Variants in JAKMIP1 observed in about 807,000 individuals in gnomAD.
The protein encoded by JAKMIP1 is janus kinase and microtubule-interacting protein 1.
In JAKMIP1, 33 loss-of-function variants were observed where a neutral mutation model predicts 113.0. That is an observed-to-expected ratio of 0.29 (90% CI 0.22 to 0.39). The LOEUF is 0.39. JAKMIP1 is among the 10% of genes least tolerant of loss of function. The pLI is 1.00. For missense variants in JAKMIP1, 813 were observed against 1,080.5 expected (o/e 0.75, Z 3.47); for synonymous variants, 480 against 459.9 (o/e 1.04, Z -0.56).
At chr4:6,170,639 C>A (rs946300055) in intron 1 of JAKMIP1, among the ~76,000 whole-genome samples, 1 of 123,756 alleles carries the variant, frequency 8.1e-6, no homozygotes, top group Non-Finnish European at 1.7e-5. Context: ...AACACCATCA[C>A]CTCTACCATT....
At chr4:6,060,197 A>G (rs59373651) in intron 11 of JAKMIP1, among the ~76,000 whole-genome samples, 33,936 of 152,254 alleles carry the variant, frequency 0.22, 5,532 homozygotes, top group African/African-American at 0.46. Context: ...ACAAAGAAAA[A>G]GCCAAGTTAG....
At chr4:6,029,495 G>A (rs1377822904) in intron 20 of JAKMIP1, among the ~76,000 whole-genome samples, 3 of 152,124 alleles carry the variant, frequency 2.0e-5, no homozygotes, top group Non-Finnish European at 1.5e-5. Context: ...AGTTGGCCCC[G>A]GCCTGAAGAA....
Position 6,142,652 on chromosome 4 carries a change from C to G in JAKMIP1, c.-147-29655G>C, listed in dbSNP as rs1720327880. 6.6e-6 allele frequency among the ~76,000 whole-genome samples: 1 copy of G among 152,184 alleles called. No individual in the cohort carries two copies. The highest frequency in any genetic ancestry group is 1.5e-5 in the Non-Finnish European group (1 of 68,032). The stretch of plus-strand genomic sequence containing the variant: ...CTGGCATTGGGATCAAATGTGCGGC[C>G]TCTGGACAGGCACAGCTCTGCTTCC... On this transcript the variant is annotated intron_variant, in intron 1 of 20. Transcript: ENST00000409021. The surrounding 1 kb of genome is among the most constrained non-coding windows in gnomAD (Gnocchi z 5.5).
At chr4:6,189,945 G>A (rs1306648044) in intron 1 of JAKMIP1, among the ~76,000 whole-genome samples, 1 of 152,224 alleles carries the variant, frequency 6.6e-6, no homozygotes, top group Non-Finnish European at 1.5e-5. Flanking sequence ...GGAGAGGGAG[G>A]CAGCGTGGGC....
chr4:6,140,769 C>T lies in JAKMIP1; in HGVS notation c.-147-27772G>A, dbSNP rs1355028737. Among the ~76,000 whole-genome samples, 1 of 152,102 alleles carries T rather than the reference C, an allele frequency of 6.6e-6. No individual in the cohort carries two copies. Among genetic ancestry groups the T allele is most frequent in the Admixed American group, 6.5e-5 (1 of 15,280 alleles). On this transcript the variant is annotated intron_variant, in intron 1 of 20. Coordinates refer to ENST00000409021, the MANE Select transcript of JAKMIP1 (RefSeq NM_001099433.2). The surrounding 1 kb of genome is among the most constrained non-coding windows in gnomAD (Gnocchi z 9.4). ...AATATTTCTCTCGTCTGGTGTCATC[C>T]TTTGGGCAATAAGAAAGATGCAATT... is the stretch of plus-strand genomic sequence containing the variant.
intron 2 of JAKMIP1, 36 bp downstream of exon 2, chr4:6,112,686 C>T (rs748568941): frequency 6.2e-7 from 1 of 1,604,254 alleles, no homozygotes; most frequent in Middle Eastern, 1.7e-4. Flanking sequence ...GGGACATTTG[C>T]AGCCCAGCCG....
At chr4:6,062,576 C>T (rs918073705) in intron 9 of JAKMIP1, 136 bp from the exon 10 acceptor site, 39 of 920,348 alleles carry the variant, frequency 4.2e-5, no homozygotes, top group East Asian at 1.1e-4. Context: ...AGACATCAAA[C>T]GACCACATCT....
chr4:6,117,933 C>T (rs1716078343), intron 1 of JAKMIP1, among the ~76,000 whole-genome samples: 1 of 152,152 alleles, frequency 6.6e-6, no homozygotes, highest in Non-Finnish European at 1.5e-5. Context: ...GTTCTTTTTT[C>T]AGGGTGCCCA....
rs1383858267 is a variant in JAKMIP1 at position 6,184,106 on chromosome 4, T to A, written c.-148+16147A>T. On this transcript the variant is annotated intron_variant, in intron 1 of 20. Transcript: ENST00000409021. The surrounding 1 kb of genome is among the most constrained non-coding windows in gnomAD (Gnocchi z 4.5). ...ATGTGAGAATAAACCATCACTTCTC[T>A]GTTTTGTATATTGGAGCAGGGTGGT... 1.3e-5 allele frequency among the ~76,000 whole-genome samples: 2 copies of A among 152,252 alleles called. No homozygotes were observed. The highest frequency in any genetic ancestry group is 4.8e-5 in the African/African-American group (2 of 41,464).
In JAKMIP1 at chr4:6,040,790, T is replaced by A; in HGVS notation, c.2098-74A>T. 1 of 1,197,506 alleles carries A rather than the reference T, an allele frequency of 8.4e-7. No homozygotes were observed. The highest frequency in any genetic ancestry group is 1.2e-6 in the Non-Finnish European group (1 of 816,554). The allele number at this position is 1,197,506 out of a possible 1,614,324, so 74.2% of individuals were successfully genotyped here. A position where few individuals can be genotyped will look rare whatever the true frequency, so the allele number is the denominator to read the frequency against. ...CATGACAGCTTCAGAGCCCGTTTGC[T>A]AGAGAGTGGCAGTCTCACCGAATTG... On this transcript the variant is annotated intron_variant, in intron 17 of 20. Transcript: ENST00000409021. This position sits in a 1 kb window ranked among gnomAD's most constrained non-coding sequence, Gnocchi z 5.8.
rs1718289131 is a variant in JAKMIP1 at position 6,067,592 on chromosome 4, T to TCCGCACACACAGGTCACCCCC, written c.1303-2585_1303-2584insGGGGGTGACCTGTGTGTGCGG. On this transcript the variant is annotated intron_variant, in intron 8 of 20. Coordinates refer to ENST00000409021, the MANE Select transcript of JAKMIP1 (RefSeq NM_001099433.2). This position sits in a 1 kb window ranked among gnomAD's most constrained non-coding sequence, Gnocchi z 4.6. Reference sequence around the variant, plus strand: ...GATGCATCTGCAGCACTCAAGCTCTTCTGCACACACAGGTCACCCCCCTGA... The same window carrying TCCGCACACACAGGTCACCCCC: ...GATGCATCTGCAGCACTCAAGCTCTTCCGCACACACAGGTCACCCCCCTGCACACACAGGTCACCCCCCTGA... 1.3e-5 allele frequency among the ~76,000 whole-genome samples: 2 copies of TCCGCACACACAGGTCACCCCC among 150,692 alleles called. No homozygotes were observed. Among genetic ancestry groups the TCCGCACACACAGGTCACCCCC allele is most frequent in the African/African-American group, 4.9e-5 (2 of 40,428 alleles).
chr4:6,031,940 A>G lies in JAKMIP1; in HGVS notation c.2380-2159T>C, dbSNP rs575610140. Among the ~76,000 whole-genome samples, 53 of 151,942 alleles carry G rather than the reference A, an allele frequency of 3.5e-4. No homozygotes were observed. The highest frequency in any genetic ancestry group is 1.2e-3 in the African/African-American group (49 of 41,412). On this transcript the variant is annotated intron_variant, in intron 19 of 20. Coordinates refer to ENST00000409021, the MANE Select transcript of JAKMIP1 (RefSeq NM_001099433.2). The surrounding 1 kb of genome is among the most constrained non-coding windows in gnomAD (Gnocchi z 4.4). ...TATTTTTTTAAACTGATAATTTTCT[A>G]CTCTCTCCCACCCGAAGGGAACTGT...
At chr4:6,126,213 T>G (rs190479146) in intron 1 of JAKMIP1, among the ~76,000 whole-genome samples, 1,278 of 126,100 alleles carry the variant, frequency 0.01, 23 homozygotes, top group African/African-American at 0.038. Context: ...ACACACACCA[T>G]GCGGAAACAC....
intron 1 of JAKMIP1, among the ~76,000 whole-genome samples, chr4:6,161,554 A>G (rs1031686824): frequency 4.9e-5 from 2 of 40,984 alleles, no homozygotes; most frequent in African/African-American, 7.8e-5. Context: ...AACTCAGTGG[A>G]AAAAAAAAAA....
At chr4:6,045,966 T>C (rs1222139582) in intron 16 of JAKMIP1, among the ~76,000 whole-genome samples, 1 of 152,188 alleles carries the variant, frequency 6.6e-6, no homozygotes, top group Non-Finnish European at 1.5e-5. Context: ...AAAGAGTATT[T>C]AGTGGAGCAG....
chr4:6,171,662 C>T (rs1439275781), intron 1 of JAKMIP1, among the ~76,000 whole-genome samples: 1 of 152,200 alleles, frequency 6.6e-6, no homozygotes, highest in African/African-American at 2.4e-5. Context: ...TGTGGGAAGA[C>T]AGAGTCTTCA....
chr4:6,092,669 G>C (rs1265451621), intron 3 of JAKMIP1, among the ~76,000 whole-genome samples: 1 of 152,232 alleles, frequency 6.6e-6, no homozygotes, highest in Non-Finnish European at 1.5e-5. Flanking sequence ...TTCTAAGAGG[G>C]TCCTTGACCC....
intron 1 of JAKMIP1, among the ~76,000 whole-genome samples, chr4:6,182,443 GA>G (rs1317381219): frequency 5.0e-5 from 7 of 139,362 alleles, no homozygotes; most frequent in African/African-American, 1.5e-4. Flanking sequence ...AAGAAAGAAA[GA>G]AAAGAAAAGA....
In JAKMIP1 at chr4:6,080,133, C is replaced by T; in HGVS notation, c.1242+39G>A. On this transcript the variant is annotated intron_variant, in intron 7 of 20. Coordinates refer to ENST00000409021, the MANE Select transcript of JAKMIP1 (RefSeq NM_001099433.2). This position sits in a 1 kb window ranked among gnomAD's most constrained non-coding sequence, Gnocchi z 6.0. ...TGACACCCATGTCAGCTGGTGCCAC[C>T]CCTGCCAGGGGCAGCCGCGCCAGCT... 6.5e-7 allele frequency: 1 copy of T among 1,545,240 alleles called. No homozygotes were observed. Among genetic ancestry groups the T allele is most frequent in the Middle Eastern group, 1.7e-4 (1 of 5,902 alleles).
Sources: allele counts gnomAD v4.1 joint callset (sites outside exome capture counted in the v4.1 genomes callset), GRCh38; gene constraint gnomAD v4.1.1; non-coding constraint Gnocchi (gnomAD v3.1); transcripts MANE v1.5; gene names NCBI Gene and HGNC (gene_info 2026-07-23, HGNC 2026-07-21).